CMPK1: variants seen among roughly 807,000 people sequenced by gnomAD.
CMPK1 encodes the protein UMP-CMP kinase.
CMPK1 carries 10 observed loss-of-function variants against 25.7 expected under a neutral mutation model. That is an observed-to-expected ratio of 0.39 (90% confidence interval 0.24 to 0.66). CMPK1 has a LOEUF of 0.66. Among genes scored for constraint, CMPK1 ranks in the 30% least tolerant of loss-of-function variants. The pLI is 0.48. For missense variants in CMPK1, 199 were observed against 280.5 expected, an observed-to-expected ratio of 0.71 and a Z score of 2.08; for synonymous variants, 106 against 101.5, an observed-to-expected ratio of 1.04 and a Z score of -0.27.
At chr1:47,360,543 C>T (rs1646594656) in intron 1 of CMPK1, among the ~76,000 whole-genome samples, 1 of 152,110 alleles carries the variant, frequency 6.6e-6, no homozygotes, top group Admixed American at 6.6e-5. Context: ...GAATCAGCTT[C>T]CCCAAGCAGA....
intron 1 of CMPK1, among the ~76,000 whole-genome samples, chr1:47,361,138 C>T (rs1646598816): frequency 1.3e-5 from 2 of 152,198 alleles, no homozygotes; most frequent in Admixed American, 6.6e-5. Flanking sequence ...CACCTGTAAT[C>T]CCAGCACTTT....
chr1:47,372,611 T>A (rs1646684304), intron 2 of CMPK1, among the ~76,000 whole-genome samples: 1 of 152,154 alleles, frequency 6.6e-6, no homozygotes, highest in Admixed American at 6.6e-5. Flanking sequence ...TTATTGTTTA[T>A]TTATAACTTT....
At chr1:47,363,602 C>T (rs1646618404) in intron 1 of CMPK1, among the ~76,000 whole-genome samples, 1 of 151,816 alleles carries the variant, frequency 6.6e-6, no homozygotes, top group Admixed American at 6.6e-5. Flanking sequence ...TGTACCACTG[C>T]ACTCCAGCCT....
intron 1 of CMPK1, among the ~76,000 whole-genome samples, chr1:47,364,747 T>G (rs1646627432): frequency 6.7e-6 from 1 of 149,198 alleles, no homozygotes; most frequent in South Asian, 2.1e-4. Flanking sequence ...AATTTATATA[T>G]TATACATTAT....
In CMPK1 at chr1:47,368,410, A is replaced by G. The variant is rs1355676771; in HGVS notation, c.172-59A>G. The G allele has an allele frequency of 4.3e-6, 6 of 1,407,002 alleles. No individual in the cohort carries two copies. In the East Asian group the frequency reaches 7.5e-5, roughly 18 times the overall value. The allele number at this position is 1,407,002 out of a possible 1,614,324, so 87.2% of individuals were successfully genotyped here. ...GAAATTAACACAAAGGAAAAAAAGT[A>G]TAGTCCTACCACTGGGTTGAATGAA... On this transcript the variant is annotated intron_variant, in intron 1 of 5. Coordinates refer to ENST00000371873, the MANE Select transcript of CMPK1 (RefSeq NM_016308.3).
chr1:47,358,176 G>A lies in CMPK1; in HGVS notation c.172-10293G>A, dbSNP rs115597387. 4.3e-3 allele frequency: 1,694 copies of A among 393,562 alleles called. 39 individuals carry two copies. The highest frequency in any genetic ancestry group is 0.036 in the African/African-American group (1,586 of 44,218). The allele number at this position is 393,562 out of a possible 1,614,324, so 24.4% of individuals were successfully genotyped here. ...TCCTAGGCTAGAGTGCAGTGGTACA[G>A]TTATAGCTTACTGCCGCCTCTAACT... On this transcript the variant is annotated intron_variant, in intron 1 of 5. Transcript: ENST00000371873.
intron 1 of CMPK1, among the ~76,000 whole-genome samples, chr1:47,350,649 C>T (rs905746922): frequency 6.6e-6 from 1 of 151,980 alleles, no homozygotes; most frequent in African/African-American, 2.4e-5. Context: ...AATCCCAGCA[C>T]TTTGGGAGGC....
At chr1:47,369,372 C>T (rs1233451858) in intron 2 of CMPK1, among the ~76,000 whole-genome samples, 1 of 152,130 alleles carries the variant, frequency 6.6e-6, no homozygotes, top group Non-Finnish European at 1.5e-5. Context: ...GGAAACTTTG[C>T]TTTCACCTGG....
At chr1:47,353,018 G>A (rs1166247459) in intron 1 of CMPK1, among the ~76,000 whole-genome samples, 1 of 152,104 alleles carries the variant, frequency 6.6e-6, no homozygotes, top group Non-Finnish European at 1.5e-5. Context: ...GGTTATTGGA[G>A]TAACAATGAA....
chr1:47,359,405 T>TTTG (rs1646586500), intron 1 of CMPK1, among the ~76,000 whole-genome samples: 1 of 111,310 alleles, frequency 9.0e-6, no homozygotes. Context: ...TTTTTTTTTT[T>TTTG]GAGATAAAGT....
chr1:47,376,542 C>G (rs377149799), intron 5 of CMPK1, among the ~76,000 whole-genome samples, 162 bp from the exon 6 acceptor site: 2 of 152,256 alleles, frequency 1.3e-5, no homozygotes, highest in Middle Eastern at 3.4e-3. Flanking sequence ...TCTTGAACTC[C>G]TGAACTCAAG....
In CMPK1 at chr1:47,350,722, G is replaced by A. The variant is rs191610397; in HGVS notation, c.171+16606G>A. ...AGCCTGATCAACATGGTGAAACACC[G>A]TCTCTACTAAAAATGCAAAAAAAGA... On this transcript the variant is annotated intron_variant, in intron 1 of 5. Transcript: ENST00000371873. 2.8e-3 allele frequency among the ~76,000 whole-genome samples: 431 copies of A among 151,950 alleles called. 1 individual carries two copies. The highest frequency in any genetic ancestry group is 0.01 in the Middle Eastern group (3 of 294).
intron 1 of CMPK1, among the ~76,000 whole-genome samples, chr1:47,361,995 T>C (rs1038370477): frequency 6.7e-6 from 1 of 149,922 alleles, no homozygotes; most frequent in African/African-American, 2.5e-5. Context: ...CTCAGCCTCC[T>C]GAATACCTGG....
intron 2 of CMPK1, among the ~76,000 whole-genome samples, chr1:47,370,660 C>T (rs1483176002): frequency 7.1e-6 from 1 of 141,484 alleles, no homozygotes; most frequent in Non-Finnish European, 1.5e-5. Flanking sequence ...AAAAAATGTC[C>T]GGGTGTGGTG....
At position 47,377,021 on chromosome 1, in the gene CMPK1, AGTTTGTG is replaced by A. The variant is rs200994093; in HGVS notation, c.*277_*283del. ...AATTCAAAAAGAATATCCCTTTTATAGTTTGTGCCTTCTGTGAGCAAAACTTTTTAGT... is the reference window on the plus strand; with the variant it reads ...AATTCAAAAAGAATATCCCTTTTATACCTTCTGTGAGCAAAACTTTTTAGT... On this transcript the variant is annotated 3_prime_UTR_variant, in exon 6 of 6. Coordinates refer to ENST00000371873, the MANE Select transcript of CMPK1 (RefSeq NM_016308.3). The A allele has an allele frequency of 6.8e-3, 1,728 of 255,172 alleles. 37 individuals carry two copies. The highest frequency in any genetic ancestry group is 0.036 in the African/African-American group (1,621 of 45,354). The allele number at this position is 255,172 out of a possible 1,614,324, so 15.8% of individuals were successfully genotyped here.
In CMPK1 at chr1:47,370,350, C is replaced by T. The variant is rs150087153; in HGVS notation, c.318+1735C>T. On this transcript the variant is annotated intron_variant, in intron 2 of 5. Transcript: ENST00000371873. ...GAACTTTTAAAACTAAAATATGTCA[C>T]ATCTGAGGCTGGGCGCAGTGGCTCA... 6.2e-3 allele frequency among the ~76,000 whole-genome samples: 946 copies of T among 151,734 alleles called. 10 individuals are homozygous for T. Among genetic ancestry groups the T allele is most frequent in the African/African-American group, 0.021 (866 of 41,410 alleles).
chr1:47,348,863 T>C (rs929425271), intron 1 of CMPK1, among the ~76,000 whole-genome samples: 2 of 152,210 alleles, frequency 1.3e-5, no homozygotes, highest in East Asian at 1.9e-4. Context: ...TGAATTTTCA[T>C]TTTCTTGGTG....
In CMPK1 at chr1:47,375,187, T is replaced by C. The variant is rs1266283231; in HGVS notation, c.549-10T>C. On this transcript the variant is annotated splice_polypyrimidine_tract_variant and intron_variant, in intron 4 of 5. Transcript: ENST00000371873. ...TACCTAGAACCTTGCAATATTTACT[T>C]CTTTTGCAGAATTCAGACCTACCTT... 6.3e-7 allele frequency: 1 copy of C among 1,592,872 alleles called. No homozygotes were observed. Among genetic ancestry groups the C allele is most frequent in the African/African-American group, 1.3e-5 (1 of 74,308 alleles).
chr1:47,351,078 TTTTG>T (rs371788247), intron 1 of CMPK1, among the ~76,000 whole-genome samples: 82 of 151,920 alleles, frequency 5.4e-4, no homozygotes, highest in African/African-American at 1.4e-3. Context: ...TTAACATAAT[TTTTG>T]TTTGTTTGTT....
Sources: allele counts gnomAD v4.1 joint callset (sites outside exome capture counted in the v4.1 genomes callset), GRCh38; gene constraint gnomAD v4.1.1; transcripts MANE v1.5; gene names NCBI Gene and HGNC (gene_info 2026-07-23, HGNC 2026-07-21).